Variants in LIMD1 observed in about 807,000 individuals in gnomAD.
LIMD1 encodes the protein LIM domain-containing protein 1.
LIMD1 carries 23 observed loss-of-function variants against 58.4 expected under a neutral mutation model. The observed-to-expected ratio is 0.39, with a 90% CI of 0.28 to 0.56. The LOEUF (loss-of-function observed/expected upper bound fraction) is 0.56, where lower values mean the gene tolerates loss of function less well. LIMD1 is among the 20% of genes least tolerant of loss of function. The probability of loss-of-function intolerance (pLI) is 0.57; values close to 1 mark genes in which losing one functional copy is unlikely to be tolerated. For synonymous variants in LIMD1, 334 were observed against 345.5 expected (o/e 0.97, Z 0.37); for missense variants, 838 against 855.5 (o/e 0.98, Z 0.25).
At chr3:45,665,823 G>C in intron 3 of LIMD1, 106 bp downstream of exon 3, 2 of 923,560 alleles carry the variant, frequency 2.2e-6, no homozygotes. Flanking sequence ...CTGCTGGAGA[G>C]AGGGGCCCTG....
At chr3:45,636,013 C>T in intron 1 of LIMD1, 137 bp from the exon 2 acceptor site, 1 of 1,530,154 alleles carries the variant, frequency 6.5e-7, no homozygotes, top group Non-Finnish European at 8.7e-7. Context: ...AAAGACACTT[C>T]AAATGAGTCA....
At chr3:45,608,924 G>T (rs145460637) in intron 1 of LIMD1, among the ~76,000 whole-genome samples, 5 of 150,964 alleles carry the variant, frequency 3.3e-5, no homozygotes, top group East Asian at 1.9e-4. Context: ...GAAACCGAAA[G>T]ACCTGGTCTG....
At chr3:45,633,239 C>G (rs953611949) in intron 1 of LIMD1, among the ~76,000 whole-genome samples, 2 of 152,118 alleles carry the variant, frequency 1.3e-5, no homozygotes, top group Non-Finnish European at 2.9e-5. Context: ...CACACACATG[C>G]ATTTCATGGC....
intron 2 of LIMD1, among the ~76,000 whole-genome samples, chr3:45,657,185 C>G (rs563360282): frequency 9.2e-5 from 14 of 152,226 alleles, no homozygotes; most frequent in African/African-American, 1.4e-4. Flanking sequence ...GCCTCAGCCT[C>G]CTCTCAGCAA....
intron 2 of LIMD1, among the ~76,000 whole-genome samples, chr3:45,645,888 C>G (rs1701899734): frequency 6.6e-6 from 1 of 152,114 alleles, no homozygotes; most frequent in African/African-American, 2.4e-5. Flanking sequence ...TGTTTGCACC[C>G]ATAGTTGCCC....
intron 1 of LIMD1, 85 bp downstream of exon 1, chr3:45,596,372 T>TG (rs1225914189): frequency 1.9e-6 from 2 of 1,076,352 alleles, no homozygotes; most frequent in Non-Finnish European, 2.7e-6. Flanking sequence ...AGGGATGCTG[T>TG]GGGCTGTAGT....
intron 2 of LIMD1, among the ~76,000 whole-genome samples, chr3:45,640,619 A>G (rs1449240054): frequency 2.0e-5 from 3 of 152,120 alleles, no homozygotes; most frequent in Admixed American, 6.5e-5. Flanking sequence ...TCGTAGAGAC[A>G]GGGTTTCACC....
At chr3:45,665,880 A>G (rs9827350) in intron 3 of LIMD1, among the ~76,000 whole-genome samples, 163 bp downstream of exon 3, 6 of 152,094 alleles carry the variant, frequency 3.9e-5, no homozygotes, top group African/African-American at 1.5e-4. Flanking sequence ...CCTGAGGCCA[A>G]TGGCAAACCA....
At chr3:45,670,935 C>G (rs995110433) in intron 4 of LIMD1, among the ~76,000 whole-genome samples, 2 of 152,136 alleles carry the variant, frequency 1.3e-5, no homozygotes, top group Non-Finnish European at 2.9e-5. Flanking sequence ...CAGGTTAGAA[C>G]CAGGCATAGT....
Position 45,677,396 on chromosome 3 carries a change from G to C in LIMD1, c.*337G>C. 1 of 215,926 alleles carries C rather than the reference G, an allele frequency of 4.6e-6. No homozygotes were observed. The allele number at this position is 215,926 out of a possible 1,614,324, so 13.4% of individuals were successfully genotyped here. ...GAACATTTCATGCTTCAGAGGGAGAGGTTTTTATTGAGCTTGTTTCACAAT... is the reference window on the plus strand; with the variant it reads ...GAACATTTCATGCTTCAGAGGGAGACGTTTTTATTGAGCTTGTTTCACAAT... On this transcript the variant is annotated 3_prime_UTR_variant, in exon 8 of 8. Coordinates refer to ENST00000273317, the MANE Select transcript of LIMD1 (RefSeq NM_014240.3).
chr3:45,655,029 C>T (rs530082075), intron 2 of LIMD1, among the ~76,000 whole-genome samples: 28 of 151,368 alleles, frequency 1.8e-4, no homozygotes, highest in Non-Finnish European at 2.9e-5. Flanking sequence ...AAGTGATTCT[C>T]CTGCCTCAGC....
At chr3:45,659,860 G>A (rs761730774) in intron 2 of LIMD1, among the ~76,000 whole-genome samples, 14 of 152,154 alleles carry the variant, frequency 9.2e-5, no homozygotes, top group African/African-American at 3.1e-4. Context: ...CTTCCAGGGA[G>A]AGTTTATCAT....
chr3:45,647,532 C>T (rs1701919340), intron 2 of LIMD1, among the ~76,000 whole-genome samples: 1 of 152,154 alleles, frequency 6.6e-6, no homozygotes, highest in Non-Finnish European at 1.5e-5. Context: ...ACAGCTGCCT[C>T]TCCACATCCG....
rs1697747144 is a variant in LIMD1 at position 45,681,697 on chromosome 3, A to C, written c.*4638A>C. 1 of 152,250 alleles carries C rather than the reference A, an allele frequency of 6.6e-6. No homozygotes were observed. Among genetic ancestry groups the C allele is most frequent in the Non-Finnish European group, 1.5e-5 (1 of 68,044 alleles). The allele number at this position is 152,250 out of a possible 1,614,324, so 9.4% of individuals were successfully genotyped here. Reference sequence around the variant, plus strand: ...GAGACAGACACTATCTCTGTCATCCAAGACTGTTCACTAGATAAACATCCT... The same window carrying C: ...GAGACAGACACTATCTCTGTCATCCCAGACTGTTCACTAGATAAACATCCT... On this transcript the variant is annotated 3_prime_UTR_variant, in exon 8 of 8. Coordinates refer to ENST00000273317, the MANE Select transcript of LIMD1 (RefSeq NM_014240.3).
At position 45,678,289 on chromosome 3, in the gene LIMD1, C is replaced by T. The variant is rs1295864534; in HGVS notation, c.*1230C>T. On this transcript the variant is annotated 3_prime_UTR_variant, in exon 8 of 8. Transcript: ENST00000273317. ...AGGAATTTGGCTTTCACACTGGACT[C>T]AGATACCTTCTTCAGTGTGTTGGAA... 1.3e-5 allele frequency: 2 copies of T among 152,640 alleles called. No homozygotes were observed. The highest frequency in any genetic ancestry group is 2.9e-5 in the Non-Finnish European group (2 of 68,050). The allele number at this position is 152,640 out of a possible 1,614,324, so 9.5% of individuals were successfully genotyped here.
intron 1 of LIMD1, among the ~76,000 whole-genome samples, chr3:45,603,621 C>A (rs923875608): frequency 2.0e-5 from 3 of 152,148 alleles, no homozygotes; most frequent in African/African-American, 7.2e-5. Context: ...AGATGCACAC[C>A]CAGGGATATG....
intron 1 of LIMD1, among the ~76,000 whole-genome samples, chr3:45,613,385 G>A (rs1362934867): frequency 9.2e-5 from 14 of 152,166 alleles, no homozygotes; most frequent in Admixed American, 5.9e-4. Context: ...CAGTATTCTT[G>A]CCAAATAATG....
chr3:45,665,803 G>A, intron 3 of LIMD1, 86 bp downstream of exon 3: 1 of 1,158,376 alleles, frequency 8.6e-7, no homozygotes, highest in Non-Finnish European at 1.3e-6. Context: ...CAGCGTGTAG[G>A]GAAGCTGCAC....
intron 1 of LIMD1, among the ~76,000 whole-genome samples, chr3:45,598,889 T>C (rs540600728): frequency 6.6e-6 from 1 of 152,348 alleles, no homozygotes; most frequent in African/African-American, 2.4e-5. Context: ...TACTGAACAC[T>C]TGATGCTGAC....
Sources: gnomAD v4.1 joint callset for allele counts (sites outside exome capture counted in the v4.1 genomes callset) on GRCh38, gnomAD v4.1.1 for gene constraint, MANE v1.5 for transcripts, NCBI Gene and HGNC (gene_info 2026-07-23, HGNC 2026-07-21) for gene names.